KLF15: variants seen among roughly 807,000 people sequenced by gnomAD.
The protein encoded by KLF15 is Krueppel-like factor 15.
In KLF15, 4 loss-of-function variants were observed where a neutral mutation model predicts 24.6. The observed-to-expected ratio is 0.16, with a 90% CI of 0.08 to 0.37. The LOEUF is 0.37. Among genes scored for constraint, KLF15 ranks in the 10% least tolerant of loss-of-function variants. The pLI, the probability that KLF15 is intolerant of heterozygous loss-of-function variation, is 1.00. For synonymous variants in KLF15, 246 were observed against 236.3 expected (o/e 1.04, Z -0.37); for missense variants, 496 against 560.6 (o/e 0.88, Z 1.16).
At chr3:126,354,687 C>A (rs2082616186) in intron 1 of KLF15, among the ~76,000 whole-genome samples, 1 of 152,210 alleles carries the variant, frequency 6.6e-6, no homozygotes, top group South Asian at 2.1e-4. Flanking sequence ...TAAAATGCAC[C>A]TATTCACCAA....
chr3:126,290,665 T>C, the KLF15 span: 1 of 152,162 alleles, frequency 6.6e-6, no homozygotes, highest in Non-Finnish European at 1.5e-5. Flanking sequence ...CATTCCAAGA[T>C]TACAGAAGCA....
intron 1 of KLF15, among the ~76,000 whole-genome samples, 185 bp downstream of exon 1, chr3:126,357,052 G>A (rs1214176257): frequency 6.6e-6 from 1 of 151,362 alleles, no homozygotes; most frequent in African/African-American, 2.4e-5. Flanking sequence ...CACCTCCCCC[G>A]GGCCAGTCCG....
At chr3:126,345,470 T>C (rs1255665007) in intron 2 of KLF15, among the ~76,000 whole-genome samples, 1 of 151,878 alleles carries the variant, frequency 6.6e-6, no homozygotes, top group Admixed American at 6.6e-5. Flanking sequence ...TCCCAAAGCA[T>C]GCACGCACAC....
chr3:126,354,549 T>C (rs2082615468), intron 1 of KLF15, among the ~76,000 whole-genome samples: 1 of 152,190 alleles, frequency 6.6e-6, no homozygotes, highest in Non-Finnish European at 1.5e-5. Flanking sequence ...GTTCCCAACT[T>C]ACCCAGGAAG....
At chr3:126,288,690 C>T in the KLF15 span, among the ~76,000 whole-genome samples, 2 of 152,252 alleles carry the variant, frequency 1.3e-5, no homozygotes, top group African/African-American at 2.4e-5. Flanking sequence ...CTTCGGGGCT[C>T]ATTGTCCTGG....
the KLF15 span, among the ~76,000 whole-genome samples, chr3:126,324,899 G>A: frequency 3.0e-5 from 3 of 101,652 alleles, no homozygotes; most frequent in East Asian, 2.9e-4. Context: ...ATGCTGGTGC[G>A]CTGCACCCAC....
At chr3:126,313,981 G>A in the KLF15 span, among the ~76,000 whole-genome samples, 33 of 152,356 alleles carry the variant, frequency 2.2e-4, no homozygotes, top group Middle Eastern at 0.01. Flanking sequence ...ACAGTTATGT[G>A]TTGCCAGTGA....
chr3:126,354,020 G>A (rs745934896), intron 1 of KLF15: 14 of 152,430 alleles, frequency 9.2e-5, no homozygotes, highest in Non-Finnish European at 2.1e-4. Context: ...ACCGCCTTGC[G>A]AAGGTTCAGC....
the KLF15 span, among the ~76,000 whole-genome samples, chr3:126,316,440 G>GAGTGGGGAAGGGATACTATGGGCCGT: frequency 8.7e-6 from 1 of 114,344 alleles, no homozygotes; most frequent in African/African-American, 3.5e-5. Flanking sequence ...GCATGGGCCT[G>GAGTGGGGAAGGGATACTATGGGCCGT]AGTGGGGAAG....
the KLF15 span, among the ~76,000 whole-genome samples, chr3:126,321,609 GAC>G: frequency 6.6e-6 from 1 of 152,226 alleles, no homozygotes; most frequent in Non-Finnish European, 1.5e-5. Context: ...TGTGAAGATG[GAC>G]AGAACCCTGG....
chr3:126,313,142 AG>A, the KLF15 span, among the ~76,000 whole-genome samples: 1 of 152,172 alleles, frequency 6.6e-6, no homozygotes, highest in African/African-American at 2.4e-5. Flanking sequence ...GGTGCTTGTA[AG>A]AAGAGGGGGT....
the KLF15 span, among the ~76,000 whole-genome samples, chr3:126,333,421 G>A: frequency 6.6e-6 from 1 of 150,816 alleles, no homozygotes; most frequent in African/African-American, 2.4e-5. Context: ...CCTGAAGGAA[G>A]CACTAAACAT....
intron 2 of KLF15, among the ~76,000 whole-genome samples, chr3:126,347,029 T>C (rs1365844464): frequency 1.3e-5 from 2 of 152,316 alleles, no homozygotes; most frequent in East Asian, 1.9e-4. Flanking sequence ...TCTTATCACC[T>C]GCATGGAGTT....
intron 2 of KLF15, among the ~76,000 whole-genome samples, chr3:126,350,239 T>C (rs1174344252): frequency 6.6e-6 from 1 of 152,218 alleles, no homozygotes; most frequent in Non-Finnish European, 1.5e-5. Context: ...TGCTGCTGTG[T>C]CCTCCTCTCA....
chr3:126,323,435 AACATATATATGTTATATATATAT>A, the KLF15 span, among the ~76,000 whole-genome samples: 1 of 54,842 alleles, frequency 1.8e-5, no homozygotes, highest in Non-Finnish European at 3.6e-5. Flanking sequence ...ATATATATAT[AACATATATATGTTATATATATAT>A]ATAACATATA....
At chr3:126,337,848 T>A (rs1216024666), downstream of KLF15, among the ~76,000 whole-genome samples, 1 of 152,196 alleles carries the variant, frequency 6.6e-6, no homozygotes, top group Non-Finnish European at 1.5e-5. Flanking sequence ...TTCTTCTGTT[T>A]GTTTAAACAG....
In KLF15 at chr3:126,352,408, T is replaced by C; in HGVS notation, c.515A>G (p.Gln172Arg). 2 of 1,613,450 alleles carry C rather than the reference T, an allele frequency of 1.2e-6. No individual in the cohort carries two copies. Among genetic ancestry groups the C allele is most frequent in the East Asian group, 2.2e-5 (1 of 44,878 alleles). ...GNSKDLDACS[Q>R]LSAGPHKSHL... ...GCTCTTGTGTGGCCCAGCTGAGAGC[T>C]GGCTGCAGGCATCCAAGTCCTTGCT... is the stretch of plus-strand genomic sequence containing the variant. Residue 172 changes from glutamine to arginine, a missense_variant, in exon 2 of 3, where the codon CAG becomes CGG. Transcript: ENST00000296233.
chr3:126,327,591 G>T, the KLF15 span, among the ~76,000 whole-genome samples: 2 of 152,084 alleles, frequency 1.3e-5, no homozygotes, highest in South Asian at 4.2e-4. Flanking sequence ...TGCTGTTGAG[G>T]TCTGCAGTCT....
downstream of KLF15, among the ~76,000 whole-genome samples, chr3:126,338,781 C>T (rs900942696): frequency 3.3e-5 from 5 of 152,246 alleles, no homozygotes; most frequent in Non-Finnish European, 5.9e-5. Flanking sequence ...GCACCTGCTG[C>T]GCACTCCCTT....
Sources: allele counts gnomAD v4.1 joint callset (sites outside exome capture counted in the v4.1 genomes callset), GRCh38; gene constraint gnomAD v4.1.1; transcripts MANE v1.5; gene names NCBI Gene and HGNC (gene_info 2026-07-23, HGNC 2026-07-21).